CREB5: variants seen among roughly 807,000 people sequenced by gnomAD.
CREB5 encodes the protein cAMP responsive element binding protein 5.
A neutral mutation model predicts 57.1 loss-of-function variants in CREB5; 19 were observed. The ratio of observed to expected loss-of-function variants is 0.33; its 90% CI spans 0.23 to 0.49. The LOEUF (loss-of-function observed/expected upper bound fraction) is 0.49. CREB5 is among the 20% of genes least tolerant of loss of function. The pLI, the probability that CREB5 is intolerant of heterozygous loss-of-function variation, is 0.99. For synonymous variants in CREB5, 238 were observed against 238.3 expected, an observed-to-expected ratio of 1.00 and a Z score of 0.01; for missense variants, 579 against 671.6, an observed-to-expected ratio of 0.86 and a Z score of 1.52.
chr7:28,533,882 C>CTT (rs34742839), intron 4 of CREB5, among the ~76,000 whole-genome samples: 2 of 152,022 alleles, frequency 1.3e-5, no homozygotes, highest in South Asian at 4.1e-4. Flanking sequence ...GGCTTAACAT[C>CTT]TTTTTTTGAA....
At chr7:28,779,900 T>C (rs543506701) in intron 7 of CREB5, among the ~76,000 whole-genome samples, 1 of 152,150 alleles carries the variant, frequency 6.6e-6, no homozygotes, top group East Asian at 1.9e-4. Flanking sequence ...TATGCCACTT[T>C]GATTGTTAAG....
chr7:28,565,357 A>G (rs1350838318), intron 4 of CREB5, among the ~76,000 whole-genome samples: 1 of 152,166 alleles, frequency 6.6e-6, no homozygotes, highest in Non-Finnish European at 1.5e-5. Context: ...ATCTCTACAT[A>G]TTGGTAAATT....
intron 1 of CREB5, among the ~76,000 whole-genome samples, chr7:28,306,873 T>C (rs192995207): frequency 5.3e-5 from 8 of 152,296 alleles, no homozygotes; most frequent in African/African-American, 1.9e-4. Context: ...AGATACAGTT[T>C]TATAGATATA....
chr7:28,405,943 A>G (rs1027511898), intron 1 of CREB5, among the ~76,000 whole-genome samples: 1 of 152,198 alleles, frequency 6.6e-6, no homozygotes, highest in Non-Finnish European at 1.5e-5. Context: ...CCTTGGAACT[A>G]AAATCCCTGG....
At chr7:28,365,570 C>G (rs1460436936) in intron 1 of CREB5, among the ~76,000 whole-genome samples, 1 of 152,134 alleles carries the variant, frequency 6.6e-6, no homozygotes, top group Non-Finnish European at 1.5e-5. Flanking sequence ...CTCTGCTCTC[C>G]TTCATGGCAA....
chr7:28,809,481 A>G, intron 9 of CREB5, 67 bp downstream of exon 9: 1 of 1,436,912 alleles, frequency 7.0e-7, no homozygotes, highest in Admixed American at 2.1e-5. Flanking sequence ...TCCGGCCCTG[A>G]CAGGCACTTG....
intron 1 of CREB5, among the ~76,000 whole-genome samples, chr7:28,339,255 A>G (rs369322762): frequency 2.0e-4 from 31 of 152,252 alleles, no homozygotes; most frequent in East Asian, 1.4e-3. Flanking sequence ...GTTTGTAGCC[A>G]TCCTTCTTGA....
At chr7:28,445,663 T>C (rs1789415173) in intron 1 of CREB5, among the ~76,000 whole-genome samples, 1 of 152,114 alleles carries the variant, frequency 6.6e-6, no homozygotes, top group African/African-American at 2.4e-5. Context: ...GCCATTCTCC[T>C]GCCTCAGCCT....
At chr7:28,324,623 A>C (rs1490306366) in intron 1 of CREB5, among the ~76,000 whole-genome samples, 1 of 152,056 alleles carries the variant, frequency 6.6e-6, no homozygotes, top group Non-Finnish European at 1.5e-5. Context: ...TTCTAATCCC[A>C]AGCAATATTT....
intron 1 of CREB5, among the ~76,000 whole-genome samples, chr7:28,452,348 C>T (rs574328257): frequency 8.5e-5 from 13 of 152,092 alleles, no homozygotes; most frequent in African/African-American, 2.7e-4. Context: ...TAAATCATTA[C>T]AATTTGCAAT....
At chr7:28,516,945 G>A (rs1212742580) in intron 4 of CREB5, among the ~76,000 whole-genome samples, 3 of 152,288 alleles carry the variant, frequency 2.0e-5, no homozygotes, top group Non-Finnish European at 4.4e-5. Context: ...TGTGTACCTG[G>A]GCTCAGGAGG....
At chr7:28,340,286 G>T (rs1180292043) in intron 1 of CREB5, among the ~76,000 whole-genome samples, 2 of 150,136 alleles carry the variant, frequency 1.3e-5, no homozygotes, top group Non-Finnish European at 3.0e-5. Flanking sequence ...CTTACCCAAA[G>T]CTCACAGCAA....
At chr7:28,521,538 C>T (rs1010219419) in intron 4 of CREB5, among the ~76,000 whole-genome samples, 6 of 152,268 alleles carry the variant, frequency 3.9e-5, no homozygotes, top group Admixed American at 3.3e-4. Flanking sequence ...TACCCCTGCT[C>T]TTTTTATTAT....
At chr7:28,650,694 A>G (rs995952773) in intron 5 of CREB5, among the ~76,000 whole-genome samples, 1 of 152,202 alleles carries the variant, frequency 6.6e-6, no homozygotes, top group Non-Finnish European at 1.5e-5. Context: ...GAAATTTCTG[A>G]ACTACATATT....
chr7:28,348,395 C>G (rs1269765200), intron 1 of CREB5, among the ~76,000 whole-genome samples: 6 of 114,154 alleles, frequency 5.3e-5, no homozygotes, highest in African/African-American at 1.6e-4. Flanking sequence ...CTCTCTCTCT[C>G]TGTCTCTCTC....
At chr7:28,361,541 T>C (rs1270953052) in intron 1 of CREB5, among the ~76,000 whole-genome samples, 1 of 152,202 alleles carries the variant, frequency 6.6e-6, no homozygotes, top group African/African-American at 2.4e-5. Flanking sequence ...TCCAGGGTGT[T>C]GACTCTTGAG....
intron 1 of CREB5, among the ~76,000 whole-genome samples, chr7:28,424,555 A>G (rs1448171931): frequency 1.3e-5 from 2 of 152,204 alleles, no homozygotes; most frequent in South Asian, 2.1e-4. Context: ...AGATACATAC[A>G]TGTTGCACTG....
At chr7:28,389,660 A>G (rs150579559) in intron 1 of CREB5, among the ~76,000 whole-genome samples, 87 of 151,694 alleles carry the variant, frequency 5.7e-4, no homozygotes, top group African/African-American at 2.1e-3. Flanking sequence ...AAGGGTTCAT[A>G]AACTACAGTT....
intron 4 of CREB5, among the ~76,000 whole-genome samples, chr7:28,517,619 G>T (rs189733098): frequency 1.3e-5 from 2 of 152,260 alleles, no homozygotes; most frequent in African/African-American, 4.8e-5. Flanking sequence ...AGTTGTTCTG[G>T]TGAGCCAGGT....
Sources: gnomAD v4.1 joint callset for allele counts (sites outside exome capture counted in the v4.1 genomes callset) on GRCh38, gnomAD v4.1.1 for gene constraint, MANE v1.5 for transcripts, NCBI Gene and HGNC (gene_info 2026-07-23, HGNC 2026-07-21) for gene names.